GTF2F2: variants seen among roughly 807,000 people sequenced by gnomAD.
GTF2F2 encodes the protein ATP-dependent helicase GTF2F2.
GTF2F2 carries 23 observed loss-of-function variants against 42.2 expected under a neutral mutation model. The observed-to-expected ratio is 0.55, with a 90% CI of 0.39 to 0.77. The LOEUF is 0.77. Ranked by LOEUF, GTF2F2 falls within the 30% of genes least tolerant of loss-of-function variation. The pLI, the probability that GTF2F2 is intolerant of heterozygous loss-of-function variation, is 0.00. For missense variants in GTF2F2, 261 were observed against 287.2 expected (o/e 0.91, Z 0.66); for synonymous variants, 105 against 100.8 (o/e 1.04, Z -0.25).
intron 2 of GTF2F2, among the ~76,000 whole-genome samples, chr13:45,141,600 A>G (rs767541273): frequency 2.0e-5 from 3 of 152,166 alleles, no homozygotes; most frequent in Non-Finnish European, 4.4e-5. Context: ...CTGATTTATG[A>G]GCTGGCATTG....
At chr13:45,217,810 G>C (rs1395988864) in intron 5 of GTF2F2, among the ~76,000 whole-genome samples, 1 of 152,160 alleles carries the variant, frequency 6.6e-6, no homozygotes, top group Admixed American at 6.5e-5. Flanking sequence ...ATGAAGTATG[G>C]AAAGTTTGTC....
intron 4 of GTF2F2, among the ~76,000 whole-genome samples, chr13:45,166,936 T>G (rs1871321238): frequency 6.6e-6 from 1 of 152,148 alleles, no homozygotes; most frequent in African/African-American, 2.4e-5. Flanking sequence ...AATACAAAAC[T>G]GACTAATTAA....
chr13:45,215,990 A>C (rs1047551703), intron 5 of GTF2F2, among the ~76,000 whole-genome samples: 3 of 151,910 alleles, frequency 2.0e-5, no homozygotes, highest in Non-Finnish European at 4.4e-5. Context: ...AGTGGCTCAC[A>C]CTTGTAATCC....
chr13:45,168,350 C>CT, intron 4 of GTF2F2, among the ~76,000 whole-genome samples: 1 of 152,230 alleles, frequency 6.6e-6, no homozygotes, highest in East Asian at 1.9e-4. Context: ...CTCTGCCTGC[C>CT]TGGAGGGCAG....
At position 45,255,376 on chromosome 13, in the gene GTF2F2, G is replaced by C. The variant is rs1318141963; in HGVS notation, c.486+2406G>C. Reference sequence around the variant, plus strand: ...AGTGTTAGAGACTGTGTGAACTGGAGTGCACATGACCCATATAAATACATT... The same window carrying C: ...AGTGTTAGAGACTGTGTGAACTGGACTGCACATGACCCATATAAATACATT... On this transcript the variant is annotated intron_variant, in intron 6 of 7. Coordinates refer to ENST00000340473, the MANE Select transcript of GTF2F2 (RefSeq NM_004128.3). 6.6e-5 allele frequency among the ~76,000 whole-genome samples: 10 copies of C among 152,250 alleles called. No individual in the cohort carries two copies. The East Asian group carries it at 1.7e-3, about 26-fold the overall frequency.
At chr13:45,156,966 A>G (rs1304736399) in intron 4 of GTF2F2, among the ~76,000 whole-genome samples, 1 of 152,196 alleles carries the variant, frequency 6.6e-6, no homozygotes, top group Non-Finnish European at 1.5e-5. Flanking sequence ...ACATTTTACT[A>G]AGAGGAGACA....
rs1869643444 is a variant in GTF2F2, at chr13:45,136,714, G to C, written c.67-19G>C. 1 of 1,332,374 alleles carries C rather than the reference G, an allele frequency of 7.5e-7. No individual in the cohort carries two copies. The highest frequency in any genetic ancestry group is 1.8e-5 in the Admixed American group (1 of 54,862). The allele number at this position is 1,332,374 out of a possible 1,614,324, so 82.5% of individuals were successfully genotyped here. ...GTTAGCATCTAAAATAGACTTATTA[G>C]TGTTTTACTTTGTTTTAGGTTCCTA... On this transcript the variant is annotated intron_variant, in intron 1 of 7. Coordinates refer to ENST00000340473, the MANE Select transcript of GTF2F2 (RefSeq NM_004128.3).
chr13:45,245,667 AT>A (rs1239506435), intron 5 of GTF2F2, among the ~76,000 whole-genome samples: 4,739 of 16,266 alleles, frequency 0.29, 202 homozygotes, highest in East Asian at 0.51. Context: ...CATGGTGTGA[AT>A]ATATATATAT....
intron 7 of GTF2F2, among the ~76,000 whole-genome samples, chr13:45,273,672 T>TTTTTTTTTTTTTTTTG (rs1415811432): frequency 6.7e-6 from 1 of 148,822 alleles, no homozygotes; most frequent in Admixed American, 6.7e-5. Flanking sequence ...TTTTTTTTTT[T>TTTTTTTTTTTTTTTTG]GAGACGGAGT....
intron 4 of GTF2F2, among the ~76,000 whole-genome samples, chr13:45,189,170 G>A (rs754220944): frequency 3.5e-4 from 53 of 152,142 alleles, no homozygotes; most frequent in South Asian, 8.3e-4. Context: ...TTCTGTCCTT[G>A]TGATATTTTG....
At chr13:45,158,001 T>C (rs1237792108) in intron 4 of GTF2F2, among the ~76,000 whole-genome samples, 1 of 152,246 alleles carries the variant, frequency 6.6e-6, no homozygotes, top group Non-Finnish European at 1.5e-5. Context: ...TCTATTGTCT[T>C]GGCCATAATA....
At chr13:45,251,457 C>G (rs1279940665) in intron 5 of GTF2F2, among the ~76,000 whole-genome samples, 1 of 152,060 alleles carries the variant, frequency 6.6e-6, no homozygotes, top group Non-Finnish European at 1.5e-5. Context: ...AGTATTTCTT[C>G]TCTTTTTAAG....
intron 4 of GTF2F2, chr13:45,193,769 T>A (rs777188983): frequency 2.3e-5 from 36 of 1,550,666 alleles, no homozygotes; most frequent in Non-Finnish European, 3.1e-5. Context: ...CTTGTTGCCT[T>A]TGTTCGTGAC....
At chr13:45,155,184 C>G (rs1430976444) in intron 4 of GTF2F2, among the ~76,000 whole-genome samples, 1 of 152,198 alleles carries the variant, frequency 6.6e-6, no homozygotes, top group East Asian at 1.9e-4. Context: ...AGAACCACTA[C>G]CCTAGTTTTA....
chr13:45,261,985 C>A (rs1364822775), intron 6 of GTF2F2, among the ~76,000 whole-genome samples: 1 of 152,114 alleles, frequency 6.6e-6, no homozygotes, highest in Non-Finnish European at 1.5e-5. Context: ...TTATTTAAAT[C>A]CCCTTCGATA....
At chr13:45,241,797 C>T (rs1449180941) in intron 5 of GTF2F2, among the ~76,000 whole-genome samples, 4 of 151,990 alleles carry the variant, frequency 2.6e-5, no homozygotes, top group Non-Finnish European at 4.4e-5. Context: ...CTTCTTTTTT[C>T]CTCCTTATTT....
intron 4 of GTF2F2, among the ~76,000 whole-genome samples, chr13:45,165,933 C>T (rs1871280417): frequency 1.3e-5 from 2 of 151,222 alleles, no homozygotes; most frequent in South Asian, 2.1e-4. Flanking sequence ...CCTGTCTCAG[C>T]CTCCCGAGTA....
chr13:45,213,697 A>G (rs574313306), intron 5 of GTF2F2, among the ~76,000 whole-genome samples: 10 of 151,858 alleles, frequency 6.6e-5, no homozygotes, highest in Non-Finnish European at 1.3e-4. Flanking sequence ...GTAAATATCC[A>G]AAAGTATTTA....
intron 4 of GTF2F2, among the ~76,000 whole-genome samples, chr13:45,204,542 T>C (rs904683432): frequency 6.6e-6 from 1 of 152,246 alleles, no homozygotes; most frequent in African/African-American, 2.4e-5. Context: ...TTAAATACTT[T>C]TAAAATAAAA....
Sources: gnomAD v4.1 joint callset for allele counts (sites outside exome capture counted in the v4.1 genomes callset) on GRCh38, gnomAD v4.1.1 for gene constraint, MANE v1.5 for transcripts, NCBI Gene and HGNC (gene_info 2026-07-23, HGNC 2026-07-21) for gene names.